FHOD3: variants seen among roughly 807,000 people sequenced by gnomAD.
FHOD3 encodes the protein formin homology 2 domain containing 3, also known as FH1/FH2 domain-containing protein 3.
A neutral mutation model predicts 173.0 loss-of-function variants in FHOD3; 90 were observed. That is an observed-to-expected ratio of 0.52 (90% CI 0.44 to 0.62). The LOEUF is 0.62. Ranked by LOEUF, FHOD3 falls within the 20% of genes least tolerant of loss-of-function variation. FHOD3 has a pLI of 0.00. For synonymous variants in FHOD3, 828 were observed against 823.0 expected, an observed-to-expected ratio of 1.01 and a Z score of -0.10; for missense variants, 1,945 against 2,034.7, an observed-to-expected ratio of 0.96 and a Z score of 0.85.
chr18:36,516,276 AG>A (rs2055970515), intron 5 of FHOD3, among the ~76,000 whole-genome samples: 1 of 152,052 alleles, frequency 6.6e-6, no homozygotes, highest in Admixed American at 6.6e-5. Context: ...GGCTGGGAAA[AG>A]TTTTGCAGTT....
intron 5 of FHOD3, among the ~76,000 whole-genome samples, chr18:36,562,585 T>C (rs1194152912): frequency 6.6e-6 from 1 of 152,084 alleles, no homozygotes; most frequent in Non-Finnish European, 1.5e-5. Context: ...AGCGGACCAG[T>C]GCCTCCTACT....
rs145629419 is a variant in FHOD3, at chr18:36,496,565, A to G, written c.338-5367A>G. On this transcript the variant is annotated intron_variant, in intron 3 of 28. Coordinates refer to ENST00000590592, the MANE Select transcript of FHOD3 (RefSeq NM_001281740.3). ...TAGCTTTGAGTTTTAATAAAGCACT[A>G]TGATTTCATTTTAAACCACAGTATT... Among the ~76,000 whole-genome samples the G allele has an allele frequency of 1.3e-4, 20 of 152,326 alleles. No homozygotes were observed. In the East Asian group the frequency reaches 3.9e-3, roughly 29 times the overall value.
intron 17 of FHOD3, among the ~76,000 whole-genome samples, chr18:36,706,786 T>C (rs2039904980): frequency 6.6e-6 from 1 of 152,216 alleles, no homozygotes; most frequent in African/African-American, 2.4e-5. Context: ...GTTTTCACCA[T>C]ATGCTTACCA....
intron 13 of FHOD3, among the ~76,000 whole-genome samples, chr18:36,655,053 CTTT>C (rs56831321): frequency 0.025 from 3,177 of 125,056 alleles, 43 homozygotes; most frequent in African/African-American, 0.084. Context: ...TTTTTTCCTT[CTTT>C]TTTTTTTTTT....
chr18:36,446,412 T>TC (rs1285137853), intron 3 of FHOD3, among the ~76,000 whole-genome samples: 1 of 147,304 alleles, frequency 6.8e-6, no homozygotes, highest in African/African-American at 2.5e-5. Context: ...TCTGCGGACT[T>TC]TTTTTTTTTT....
At chr18:36,551,525 G>A (rs981040882) in intron 5 of FHOD3, among the ~76,000 whole-genome samples, 3 of 151,700 alleles carry the variant, frequency 2.0e-5, no homozygotes, top group Admixed American at 6.6e-5. Flanking sequence ...TGTCAGTTTT[G>A]GCTTTTGTTG....
chr18:36,432,006 G>A (rs964644224), intron 3 of FHOD3, among the ~76,000 whole-genome samples: 1 of 152,200 alleles, frequency 6.6e-6, no homozygotes, highest in Non-Finnish European at 1.5e-5. Flanking sequence ...TAAAGAAAAA[G>A]TCCTGTCTCC....
At chr18:36,306,286 C>T (rs1160689324) in intron 1 of FHOD3, among the ~76,000 whole-genome samples, 1 of 152,200 alleles carries the variant, frequency 6.6e-6, no homozygotes, top group Non-Finnish European at 1.5e-5. Flanking sequence ...AGGTGCCTCA[C>T]TCCCACAGCC....
At chr18:36,576,089 A>G (rs1280579342) in intron 5 of FHOD3, among the ~76,000 whole-genome samples, 1 of 152,220 alleles carries the variant, frequency 6.6e-6, no homozygotes, top group Non-Finnish European at 1.5e-5. Context: ...TTGTGGCCCC[A>G]GTGGGAGGCC....
intron 28 of FHOD3, 131 bp downstream of exon 28, chr18:36,769,557 C>A: frequency 1.6e-6 from 2 of 1,235,860 alleles, no homozygotes; most frequent in Non-Finnish European, 2.2e-6. Context: ...TACTTGCACT[C>A]ATCCACAGAA....
intron 5 of FHOD3, among the ~76,000 whole-genome samples, chr18:36,530,192 A>G (rs1264579222): frequency 6.6e-6 from 1 of 152,222 alleles, no homozygotes; most frequent in Non-Finnish European, 1.5e-5. Context: ...AGAGTAATAA[A>G]GTGAATCCTT....
intron 1 of FHOD3, among the ~76,000 whole-genome samples, chr18:36,346,878 C>G (rs1398802663): frequency 6.6e-6 from 1 of 152,246 alleles, no homozygotes; most frequent in Non-Finnish European, 1.5e-5. Context: ...CCTTAAACTG[C>G]TCCCACTCTG....
chr18:36,661,526 A>G (rs1026825124), intron 14 of FHOD3, among the ~76,000 whole-genome samples: 1 of 152,220 alleles, frequency 6.6e-6, no homozygotes, highest in Non-Finnish European at 1.5e-5. Flanking sequence ...CCTGTACAAT[A>G]CTAGGAAGTT....
At chr18:36,715,012 A>G (rs1233750469) in intron 18 of FHOD3, among the ~76,000 whole-genome samples, 1 of 152,126 alleles carries the variant, frequency 6.6e-6, no homozygotes, top group Non-Finnish European at 1.5e-5. Flanking sequence ...TGAAGCTCCC[A>G]ATGCTGACCT....
intron 3 of FHOD3, among the ~76,000 whole-genome samples, chr18:36,442,713 A>G (rs2051223302): frequency 6.6e-6 from 1 of 152,222 alleles, no homozygotes; most frequent in African/African-American, 2.4e-5. Flanking sequence ...CCATAGTACA[A>G]GCAGTAAAGT....
chr18:36,712,601 T>C (rs2040229654), intron 18 of FHOD3, among the ~76,000 whole-genome samples: 1 of 151,982 alleles, frequency 6.6e-6, no homozygotes, highest in Non-Finnish European at 1.5e-5. Flanking sequence ...CTGAAAAACA[T>C]GAACAGAGCC....
At chr18:36,331,661 A>T (rs1235720636) in intron 1 of FHOD3, among the ~76,000 whole-genome samples, 1 of 152,114 alleles carries the variant, frequency 6.6e-6, no homozygotes, top group Admixed American at 6.5e-5. Flanking sequence ...TTCTTGTTGG[A>T]GAAGGTGTGG....
chr18:36,716,341 A>G (rs2040448720), intron 18 of FHOD3, among the ~76,000 whole-genome samples: 1 of 152,228 alleles, frequency 6.6e-6, no homozygotes, highest in African/African-American at 2.4e-5. Flanking sequence ...AACAAGATGC[A>G]CAGCAACACT....
At chr18:36,384,612 T>G (rs2047941271) in intron 3 of FHOD3, among the ~76,000 whole-genome samples, 1 of 151,770 alleles carries the variant, frequency 6.6e-6, no homozygotes, top group African/African-American at 2.4e-5. Flanking sequence ...TCATTGGTGT[T>G]AGATCCAATT....
Sources: allele counts gnomAD v4.1 joint callset (sites outside exome capture counted in the v4.1 genomes callset), GRCh38; gene constraint gnomAD v4.1.1; transcripts MANE v1.5; gene names NCBI Gene and HGNC (gene_info 2026-07-23, HGNC 2026-07-21).